EYS: variants seen among roughly 807,000 people sequenced by gnomAD.
EYS encodes the protein protein eyes shut homolog.
A neutral mutation model predicts 282.1 loss-of-function variants in EYS; 250 were observed. The ratio of observed to expected loss-of-function variants is 0.89; its 90% CI spans 0.80 to 0.98. EYS has a LOEUF of 0.98. EYS is among the 50% of genes least tolerant of loss of function. EYS has a pLI of 0.00. For synonymous variants in EYS, 1,355 were observed against 1,282.9 expected, an observed-to-expected ratio of 1.06 and a Z score of -1.20; for missense variants, 4,016 against 3,709.0, an observed-to-expected ratio of 1.08 and a Z score of -2.15.
chr6:64,306,094 T>C (rs9351225), intron 30 of EYS, among the ~76,000 whole-genome samples: 95,056 of 151,764 alleles, frequency 0.63, 30,484 homozygotes, highest in South Asian at 0.71. Context: ...AGAGAAGATA[T>C]ACAAACATCC....
At position 65,295,859 on chromosome 6, in the gene EYS, T is replaced by C. The variant is rs1359680653; in HGVS notation, c.2023+4A>G. On this transcript the variant is annotated splice_donor_region_variant and intron_variant, in intron 12 of 42. Transcript: ENST00000503581. ...TTTAATTTATCAGGAAAAAAAAAAC[T>C]TGCCTTTAAATCCTGGGACACACTT... 2 of 1,507,600 alleles carry C rather than the reference T, an allele frequency of 1.3e-6. No homozygotes were observed. Among genetic ancestry groups the C allele is most frequent in the Non-Finnish European group, 1.8e-6 (2 of 1,127,684 alleles). The allele number at this position is 1,507,600 out of a possible 1,614,324, so 93.4% of individuals were successfully genotyped here.
chr6:65,219,159 A>C (rs997440574), intron 12 of EYS, among the ~76,000 whole-genome samples: 1 of 152,188 alleles, frequency 6.6e-6, no homozygotes, highest in South Asian at 2.1e-4. Context: ...CATTTAAATC[A>C]AGAAACAGTA....
chr6:65,330,499 A>G, intron 11 of EYS: 2 of 984,388 alleles, frequency 2.0e-6, no homozygotes, highest in South Asian at 4.7e-5. Context: ...TAAACATTTT[A>G]TAAACCCCCA....
intron 36 of EYS, among the ~76,000 whole-genome samples, chr6:63,846,653 A>G (rs1369110270): frequency 6.6e-6 from 1 of 152,210 alleles, no homozygotes; most frequent in Non-Finnish European, 1.5e-5. Flanking sequence ...TAAAATGCTT[A>G]CTTTCAAAGA....
chr6:65,373,377 T>A (rs1009465824), intron 8 of EYS, among the ~76,000 whole-genome samples: 4 of 152,052 alleles, frequency 2.6e-5, no homozygotes, highest in African/African-American at 9.7e-5. Flanking sequence ...AAATACCACA[T>A]CACCTTTTGC....
At chr6:63,830,663 C>G (rs955509715) in intron 36 of EYS, among the ~76,000 whole-genome samples, 1 of 152,182 alleles carries the variant, frequency 6.6e-6, no homozygotes, top group Admixed American at 6.5e-5. Context: ...TCCAGGAGAA[C>G]TTCCCCAACC....
intron 28 of EYS, among the ~76,000 whole-genome samples, chr6:64,389,987 T>C (rs1773055423): frequency 6.7e-6 from 1 of 149,804 alleles, no homozygotes; most frequent in Non-Finnish European, 1.5e-5. Flanking sequence ...GGGAGTTCCC[T>C]TTCCGAGTCA....
At chr6:64,197,414 T>C (rs1765324096) in intron 31 of EYS, among the ~76,000 whole-genome samples, 1 of 152,186 alleles carries the variant, frequency 6.6e-6, no homozygotes, top group African/African-American at 2.4e-5. Context: ...TAAACATATT[T>C]CCCAACAGTT....
intron 15 of EYS, among the ~76,000 whole-genome samples, chr6:64,933,025 G>A (rs1768778634): frequency 1.3e-5 from 2 of 152,010 alleles, no homozygotes; most frequent in Non-Finnish European, 2.9e-5. Flanking sequence ...ATAAAAGTAT[G>A]GGCCATGCAC....
At chr6:64,002,982 T>A (rs1308851074) in intron 33 of EYS, among the ~76,000 whole-genome samples, 1 of 152,258 alleles carries the variant, frequency 6.6e-6, no homozygotes, top group African/African-American at 2.4e-5. Context: ...CCAATATTTT[T>A]CTGTTGTTTC....
chr6:64,063,511 C>G (rs1331119322), intron 33 of EYS, among the ~76,000 whole-genome samples: 2 of 152,130 alleles, frequency 1.3e-5, no homozygotes, highest in African/African-American at 4.8e-5. Context: ...TCCAAGCCAC[C>G]ATTATATCTT....
chr6:65,442,089 A>T (rs959309201), intron 5 of EYS, among the ~76,000 whole-genome samples: 2 of 151,964 alleles, frequency 1.3e-5, no homozygotes, highest in Non-Finnish European at 2.9e-5. Flanking sequence ...ATTTTATTTA[A>T]ATTGTGTTGC....
intron 30 of EYS, among the ~76,000 whole-genome samples, chr6:64,299,763 G>T (rs989183983): frequency 5.9e-5 from 9 of 152,204 alleles, no homozygotes; most frequent in African/African-American, 2.2e-4. Context: ...GTTTTCAGAA[G>T]AAGGTATGCT....
intron 19 of EYS, among the ~76,000 whole-genome samples, chr6:64,823,633 C>T (rs1764964190): frequency 1.3e-5 from 2 of 151,980 alleles, no homozygotes; most frequent in South Asian, 2.1e-4. Flanking sequence ...GCCCTTAAGG[C>T]TTCCTGCACA....
At chr6:63,941,453 C>T (rs1330536147) in intron 35 of EYS, among the ~76,000 whole-genome samples, 8 of 152,258 alleles carry the variant, frequency 5.3e-5, no homozygotes, top group African/African-American at 1.9e-4. Context: ...AGCATTTTTT[C>T]ATGTGTCTGT....
At chr6:64,642,501 G>A (rs1271118844) in intron 22 of EYS, among the ~76,000 whole-genome samples, 3 of 152,184 alleles carry the variant, frequency 2.0e-5, no homozygotes, top group Non-Finnish European at 4.4e-5. Flanking sequence ...GAGTGAAGAT[G>A]AGAGATATGA....
chr6:64,975,647 A>G (rs1770451737), intron 14 of EYS, among the ~76,000 whole-genome samples: 1 of 151,848 alleles, frequency 6.6e-6, no homozygotes. Context: ...ATATAAACTA[A>G]GAGTTAATAG....
chr6:64,514,341 A>G (rs1777497488), intron 26 of EYS, among the ~76,000 whole-genome samples: 1 of 151,980 alleles, frequency 6.6e-6, no homozygotes, highest in East Asian at 1.9e-4. Flanking sequence ...AGTGCTAATT[A>G]GGAATTGCAG....
In EYS at chr6:64,617,540, A is replaced by C. The variant is rs1036723042; in HGVS notation, c.3569-7T>G. On this transcript the variant is annotated splice_region_variant and splice_polypyrimidine_tract_variant and intron_variant, in intron 23 of 42. Coordinates refer to ENST00000503581, the MANE Select transcript of EYS (RefSeq NM_001142800.2). ...CAGTGGTGTCCAGACCATCCTGTTCAACAAAATTACAAAGCAGATATGCAA... is the reference window on the plus strand; with the variant it reads ...CAGTGGTGTCCAGACCATCCTGTTCCACAAAATTACAAAGCAGATATGCAA... 8.0e-6 allele frequency: 12 copies of C among 1,500,882 alleles called. No homozygotes were observed. Among genetic ancestry groups the C allele is most frequent in the African/African-American group, 1.4e-5 (1 of 71,898 alleles). The allele number at this position is 1,500,882 out of a possible 1,614,324, so 93.0% of individuals were successfully genotyped here.
Sources: allele counts gnomAD v4.1 joint callset (sites outside exome capture counted in the v4.1 genomes callset), GRCh38; gene constraint gnomAD v4.1.1; transcripts MANE v1.5; gene names NCBI Gene and HGNC (gene_info 2026-07-23, HGNC 2026-07-21).